Variants in GPD2 observed in about 807,000 individuals in gnomAD.
GPD2 encodes glycerol-3-phosphate dehydrogenase 2, also known as glycerol-3-phosphate dehydrogenase, mitochondrial.
GPD2 carries 54 observed loss-of-function variants against 82.4 expected under a neutral mutation model. The observed-to-expected ratio is 0.66, with a 90% CI of 0.53 to 0.82. GPD2 has a LOEUF of 0.82. Ranked by LOEUF, GPD2 falls within the 40% of genes least tolerant of loss-of-function variation. GPD2 has a pLI of 0.00. For missense variants in GPD2, 748 were observed against 896.2 expected, an observed-to-expected ratio of 0.83 and a Z score of 2.11; for synonymous variants, 288 against 306.1, an observed-to-expected ratio of 0.94 and a Z score of 0.62.
At chr2:156,483,987 C>CTTT (rs10610989) in intron 2 of GPD2, among the ~76,000 whole-genome samples, 9 of 92,216 alleles carry the variant, frequency 9.8e-5, no homozygotes, top group Non-Finnish European at 1.7e-4. Flanking sequence ...TGCTTGCTTG[C>CTTT]TTTTTTTTTT....
intron 2 of GPD2, among the ~76,000 whole-genome samples, chr2:156,488,563 C>T (rs894459907): frequency 3.3e-5 from 5 of 151,970 alleles, no homozygotes; most frequent in African/African-American, 1.2e-4. Context: ...CAGAAATAGA[C>T]ACTAATTATT....
the GPD2 span, among the ~76,000 whole-genome samples, chr2:156,405,022 G>C: frequency 1.3e-5 from 2 of 152,170 alleles, no homozygotes; most frequent in Non-Finnish European, 2.9e-5. Flanking sequence ...GGAATATTCA[G>C]GCAACAGTGT....
intron 1 of GPD2, among the ~76,000 whole-genome samples, chr2:156,471,114 G>A (rs1478356165): frequency 6.6e-6 from 1 of 152,114 alleles, no homozygotes; most frequent in Non-Finnish European, 1.5e-5. Flanking sequence ...TTTTCCAGCT[G>A]CCCAAACTAA....
intron 1 of GPD2, among the ~76,000 whole-genome samples, chr2:156,439,849 A>AAATAAAT (rs1553463893): frequency 6.8e-6 from 1 of 147,544 alleles, no homozygotes; most frequent in South Asian, 2.2e-4. Context: ...TCTGTCTCAA[A>AAATAAAT]AAATAAATAA....
chr2:156,517,579 A>G (rs1685245906), intron 6 of GPD2, among the ~76,000 whole-genome samples: 1 of 152,152 alleles, frequency 6.6e-6, no homozygotes, highest in Non-Finnish European at 1.5e-5. Context: ...CCTAGAAGAG[A>G]CCCACAGCTG....
At chr2:156,499,788 T>G (rs1684520940) in intron 3 of GPD2, among the ~76,000 whole-genome samples, 1 of 151,600 alleles carries the variant, frequency 6.6e-6, no homozygotes, top group African/African-American at 2.4e-5. Flanking sequence ...TTATTAATTA[T>G]TCTTTAGGTT....
Position 156,461,833 on chromosome 2 carries a change from TG to T in GPD2, c.-8-14261del, listed in dbSNP as rs1372095784. On this transcript the variant is annotated intron_variant, in intron 1 of 16. Transcript: ENST00000438166. ...GAATTCCCAGCCCCTGGAACAGTGC[TG>T]GGGATCTGCCAGGTATTCAGTCAAT... Among the ~76,000 whole-genome samples, 16 of 152,368 alleles carry T rather than the reference TG, an allele frequency of 1.1e-4. No individual in the cohort carries two copies. The South Asian group carries it at 1.7e-3, about 16-fold the overall frequency.
chr2:156,424,476 T>G, the GPD2 span, among the ~76,000 whole-genome samples: 3 of 152,238 alleles, frequency 2.0e-5, no homozygotes, highest in Admixed American at 6.5e-5. Context: ...ATCCTGCAAC[T>G]GCTCAAGGAC....
intron 3 of GPD2, among the ~76,000 whole-genome samples, chr2:156,507,532 T>C (rs965567940): frequency 6.6e-6 from 1 of 151,892 alleles, no homozygotes; most frequent in African/African-American, 2.4e-5. Context: ...TCATGATGTC[T>C]AGGCTGGTCT....
Position 156,569,467 on chromosome 2 carries a change from C to A in GPD2, c.1405C>A (p.Leu469Ile). Residue 469 changes from leucine to isoleucine, a missense_variant, in exon 11 of 17, where the codon CTT (leucine) becomes ATT (isoleucine). Transcript: ENST00000438166. ...ACCAAGTAGAACAGTTGGGCTTTTC[C>A]TTCAAGGGGGTAAAGATTGGAGCCC... ...AGPSRTVGLFLQGGKDWSPTL... is the reference protein window; with the variant it reads ...AGPSRTVGLFIQGGKDWSPTL... 1.2e-6 allele frequency: 2 copies of A among 1,612,796 alleles called. No homozygotes were observed. Among genetic ancestry groups the A allele is most frequent in the Non-Finnish European group, 1.7e-6 (2 of 1,179,006 alleles).
At chr2:156,563,755 T>C (rs1309103723) in intron 9 of GPD2, among the ~76,000 whole-genome samples, 1 of 152,130 alleles carries the variant, frequency 6.6e-6, no homozygotes, top group African/African-American at 2.4e-5. Flanking sequence ...CCAGTAGAAA[T>C]AACTAGCTTA....
At chr2:156,489,190 C>T (rs1335218545) in intron 2 of GPD2, among the ~76,000 whole-genome samples, 1 of 152,190 alleles carries the variant, frequency 6.6e-6, no homozygotes, top group Non-Finnish European at 1.5e-5. Flanking sequence ...AACAAGAGTG[C>T]ACAAGCCTTG....
chr2:156,570,101 T>G lies in GPD2; in HGVS notation c.1491T>G (p.Leu497=), dbSNP rs774905704. The change falls in exon 12 of 17, where the codon CTT becomes CTG. Residue 497 remains leucine, a synonymous_variant. Transcript: ENST00000438166. The part of the protein sequence containing the change: ...YGLESEVAQH[L]AATYGDKAFE... ...TATTTCTCTAGGTGGCACAGCATCT[T>G]GCCGCCACCTATGGTGATAAGGCCT... 6.2e-7 allele frequency: 1 copy of G among 1,611,392 alleles called. No individual in the cohort carries two copies. Among genetic ancestry groups the G allele is most frequent in the African/African-American group, 1.3e-5 (1 of 74,816 alleles).
chr2:156,512,913 A>AT (rs959442107), intron 5 of GPD2, among the ~76,000 whole-genome samples: 2 of 152,148 alleles, frequency 1.3e-5, no homozygotes, highest in African/African-American at 4.8e-5. Flanking sequence ...CTGGAAACAG[A>AT]TTTTTTATAA....
chr2:156,552,825 T>C (rs1335481437), intron 8 of GPD2, among the ~76,000 whole-genome samples: 2 of 152,100 alleles, frequency 1.3e-5, no homozygotes, highest in African/African-American at 4.8e-5. Flanking sequence ...TTCTGGGGTT[T>C]GTTCATCACT....
the GPD2 span, among the ~76,000 whole-genome samples, chr2:156,412,878 A>G: frequency 6.6e-6 from 1 of 152,148 alleles, no homozygotes; most frequent in Non-Finnish European, 1.5e-5. Context: ...AGGTGGATCA[A>G]TTAAACTCAG....
At chr2:156,531,957 A>T (rs1230210354) in intron 6 of GPD2, among the ~76,000 whole-genome samples, 2 of 151,754 alleles carry the variant, frequency 1.3e-5, no homozygotes, top group Non-Finnish European at 2.9e-5. Context: ...GGGGTTATAG[A>T]TTTATGTTAA....
intron 15 of GPD2, 94 bp from the exon 16 acceptor site, chr2:156,579,596 T>C (rs1687955706): frequency 1.4e-6 from 1 of 730,178 alleles, no homozygotes; most frequent in East Asian, 2.7e-5. Context: ...CCTCCCAAAG[T>C]GCTGGGATTA....
the GPD2 span, among the ~76,000 whole-genome samples, chr2:156,426,830 A>G: frequency 6.6e-6 from 1 of 152,222 alleles, no homozygotes; most frequent in Non-Finnish European, 1.5e-5. Context: ...AAATTTAAAA[A>G]AAAAAGAGGA....
Sources: gnomAD v4.1 joint callset for allele counts (sites outside exome capture counted in the v4.1 genomes callset) on GRCh38, gnomAD v4.1.1 for gene constraint, MANE v1.5 for transcripts, NCBI Gene and HGNC (gene_info 2026-07-23, HGNC 2026-07-21) for gene names.